Variants in IL1RAPL2 observed in about 807,000 individuals in gnomAD.
IL1RAPL2 encodes the protein interleukin 1 receptor accessory protein like 2.
IL1RAPL2 carries 3 observed loss-of-function variants against 44.1 expected under a neutral mutation model. The observed-to-expected ratio is 0.07, with a 90% CI of 0.03 to 0.18. The LOEUF (loss-of-function observed/expected upper bound fraction) is 0.18, where lower values mean the gene tolerates loss of function less well. Among genes scored for constraint, IL1RAPL2 ranks in the 10% least tolerant of loss-of-function variants. IL1RAPL2 has a pLI of 1.00. For missense variants in IL1RAPL2, 391 were observed against 496.4 expected, an observed-to-expected ratio of 0.79 and a Z score of 2.02; for synonymous variants, 181 against 178.8, an observed-to-expected ratio of 1.01 and a Z score of -0.10.
At chrX:105,501,352 G>A (rs2036393538) in intron 6 of IL1RAPL2, among the ~76,000 whole-genome samples, 1 of 111,425 alleles carries the variant, frequency 9.0e-6, no homozygotes, top group South Asian at 3.8e-4. Flanking sequence ...AGCCTTGTAC[G>A]ATGGCTCATG....
chrX:105,175,044 T>C (rs2033460028), intron 2 of IL1RAPL2, among the ~76,000 whole-genome samples: 1 of 111,783 alleles, frequency 8.9e-6, no homozygotes, highest in South Asian at 3.8e-4. Context: ...GGTATATTTA[T>C]AACATCTGTC....
intron 1 of IL1RAPL2, among the ~76,000 whole-genome samples, chrX:104,642,021 C>T (rs1929944012): frequency 9.0e-6 from 1 of 111,304 alleles, no homozygotes; most frequent in African/African-American, 3.3e-5. Flanking sequence ...GGCAGGGGGT[C>T]AAGGGGTTCT....
intron 2 of IL1RAPL2, among the ~76,000 whole-genome samples, chrX:104,988,435 G>C (rs769117506): frequency 1.2e-4 from 13 of 112,140 alleles, no homozygotes; most frequent in Non-Finnish European, 2.3e-4. Context: ...AATAGAACTA[G>C]ATGTAATATC....
intron 8 of IL1RAPL2, among the ~76,000 whole-genome samples, chrX:105,745,364 C>T (rs2038532149): frequency 2.7e-5 from 3 of 111,829 alleles, no homozygotes; most frequent in African/African-American, 9.8e-5. Context: ...GTATTTGTTA[C>T]AGCAGCACCC....
intron 9 of IL1RAPL2, among the ~76,000 whole-genome samples, chrX:105,754,409 A>G (rs1311372862): frequency 0.17 from 8 of 47 alleles, no homozygotes; most frequent in Non-Finnish European, 0.21. Context: ...CTCTGAGCCA[A>G]TACAGCAAAA....
At chrX:105,003,516 C>T (rs753953667) in intron 2 of IL1RAPL2, among the ~76,000 whole-genome samples, 30 of 110,916 alleles carry the variant, frequency 2.7e-4, no homozygotes, top group Non-Finnish European at 5.3e-4. Context: ...ATGCCTCCCC[C>T]TCCCGAAACC....
chrX:104,809,292 G>A (rs1018723980), intron 2 of IL1RAPL2, among the ~76,000 whole-genome samples: 1 of 111,662 alleles, frequency 9.0e-6, no homozygotes, highest in Admixed American at 9.5e-5. Context: ...GATCCCTGAG[G>A]AATTGCCACA....
intron 6 of IL1RAPL2, among the ~76,000 whole-genome samples, chrX:105,584,403 A>G (rs1050454916): frequency 1.8e-5 from 2 of 111,478 alleles, no homozygotes; most frequent in Admixed American, 1.9e-4. Flanking sequence ...ATTTTGTGTG[A>G]TACTAATATT....
rs1314584734 is a variant in IL1RAPL2 at position 105,013,723 on chromosome X, A to C, written c.83-181752A>C. On this transcript the variant is annotated intron_variant, in intron 2 of 10. Transcript: ENST00000372582. ...TACCTAATTTCTTGCCCTTCTGCCT[A>C]CTGAAAATCCTCCTTATTATCCAAA... 2.3e-4 allele frequency among the ~76,000 whole-genome samples: 26 copies of C among 111,061 alleles called. No individual in the cohort carries two copies. The Admixed American group carries it at 2.5e-3, about 11-fold the overall frequency.
At chrX:105,471,520 G>A (rs2036165651) in intron 5 of IL1RAPL2, among the ~76,000 whole-genome samples, 1 of 111,273 alleles carries the variant, frequency 9.0e-6, no homozygotes, top group African/African-American at 3.3e-5. Flanking sequence ...AAGACAGGTG[G>A]GGATGAGGAG....
intron 2 of IL1RAPL2, among the ~76,000 whole-genome samples, chrX:104,945,729 T>C (rs1329295088): frequency 1.8e-5 from 2 of 112,225 alleles, no homozygotes; most frequent in African/African-American, 6.5e-5. Flanking sequence ...GACAAAATTT[T>C]AGAATACGCC....
chrX:105,143,386 T>C (rs1208675185), intron 2 of IL1RAPL2, among the ~76,000 whole-genome samples: 1 of 111,803 alleles, frequency 8.9e-6, no homozygotes, highest in Non-Finnish European at 1.9e-5. Flanking sequence ...AAATCAAAAC[T>C]ACAATGAGAT....
intron 5 of IL1RAPL2, among the ~76,000 whole-genome samples, chrX:105,333,066 T>G (rs2034999654): frequency 8.9e-6 from 1 of 111,745 alleles, no homozygotes; most frequent in Admixed American, 9.5e-5. Flanking sequence ...AAAGCTATCT[T>G]AAGCAAAAAC....
intron 2 of IL1RAPL2, among the ~76,000 whole-genome samples, chrX:104,661,430 G>T (rs1033381441): frequency 1.8e-5 from 2 of 111,107 alleles, no homozygotes; most frequent in African/African-American, 6.5e-5. Flanking sequence ...GTCTCTGTGT[G>T]TTTTTTGTTT....
At chrX:105,471,285 T>C (rs2036164233) in intron 5 of IL1RAPL2, among the ~76,000 whole-genome samples, 2 of 112,053 alleles carry the variant, frequency 1.8e-5, no homozygotes, top group Admixed American at 9.5e-5. Context: ...ACAAAGTAAG[T>C]GCTAGAGCCA....
chrX:104,788,525 T>C (rs757106194), intron 2 of IL1RAPL2, among the ~76,000 whole-genome samples: 1 of 112,314 alleles, frequency 8.9e-6, no homozygotes, highest in South Asian at 3.7e-4. Flanking sequence ...TCATCAACTA[T>C]ATGCAAAGTA....
In IL1RAPL2 at chrX:105,112,454, G is replaced by A. The variant is rs184586751; in HGVS notation, c.83-83021G>A. On this transcript the variant is annotated intron_variant, in intron 2 of 10. Transcript: ENST00000372582. ...TCAATAAGTTTTCTGGATAATTAAA[G>A]TAGGGCCTTTATAAGTTAAAAAGAT... 5.9e-3 allele frequency among the ~76,000 whole-genome samples: 658 copies of A among 112,264 alleles called. 9 individuals are homozygous for A. Among genetic ancestry groups the A allele is most frequent in the African/African-American group, 0.02 (631 of 30,959 alleles).
At chrX:105,587,414 G>A (rs1235541608) in intron 6 of IL1RAPL2, among the ~76,000 whole-genome samples, 1 of 110,809 alleles carries the variant, frequency 9.0e-6, no homozygotes, top group Non-Finnish European at 1.9e-5. Flanking sequence ...CTTTCTTTGA[G>A]CCTTTTATTT....
At chrX:105,570,883 A>G (rs1226099641) in intron 6 of IL1RAPL2, among the ~76,000 whole-genome samples, 2 of 111,736 alleles carry the variant, frequency 1.8e-5, no homozygotes, top group Admixed American at 1.9e-4. Flanking sequence ...TGCCCTATTG[A>G]GCTTAAGTGC....
Sources: allele counts gnomAD v4.1 joint callset (sites outside exome capture counted in the v4.1 genomes callset), GRCh38; gene constraint gnomAD v4.1.1; transcripts MANE v1.5; gene names NCBI Gene and HGNC (gene_info 2026-07-23, HGNC 2026-07-21).